Variants in PI4K2B observed in about 807,000 individuals in gnomAD.
The protein encoded by PI4K2B is phosphatidylinositol 4-kinase type 2-beta.
A neutral mutation model predicts 56.6 loss-of-function variants in PI4K2B; 46 were observed. That is an observed-to-expected ratio of 0.81 (90% confidence interval 0.64 to 1.04). The LOEUF (loss-of-function observed/expected upper bound fraction) is 1.04. Among genes scored for constraint, PI4K2B ranks in the 50% least tolerant of loss-of-function variants. PI4K2B has a pLI of 0.00. For missense variants in PI4K2B, 556 were observed against 607.7 expected (o/e 0.91, Z 0.89); for synonymous variants, 211 against 223.8 (o/e 0.94, Z 0.51).
At position 25,252,861 on chromosome 4, in the gene PI4K2B, G is replaced by A. The variant is rs188301518; in HGVS notation, c.423+386G>A. Among the ~76,000 whole-genome samples, 28 of 152,194 alleles carry A rather than the reference G, an allele frequency of 1.8e-4. 1 individual carries two copies. The highest frequency in any genetic ancestry group is 1.6e-3 in the Admixed American group (24 of 15,266). ...AACTCCTGGGCTCAAGCAAACCTCG[G>A]CTTTGGCTCCCAAAGTGTTGAGATT... On this transcript the variant is annotated intron_variant, in intron 2 of 9. Coordinates refer to ENST00000264864, the MANE Select transcript of PI4K2B (RefSeq NM_018323.4).
chr4:25,242,810 G>T (rs552170974), intron 1 of PI4K2B, among the ~76,000 whole-genome samples: 1 of 152,134 alleles, frequency 6.6e-6, no homozygotes, highest in South Asian at 2.1e-4. Context: ...TTTGCCCTTC[G>T]AAAGTGTCCT....
rs1168729262 is a variant in PI4K2B, at chr4:25,255,261, C to T, written c.620C>T (p.Thr207Ile). The part of the protein sequence containing the change: ...NKLHLSIVPK[T>I]KVVWLVSETF... ...CTTCATCTGAGCATTGTACCTAAAA[C>T]AAAGGTAAGCCAGACTTTATTTTTA... Residue 207 changes from threonine to isoleucine, a missense_variant, in exon 3 of 10, where the codon ACA becomes ATA. Thr to Ile is a moderately conservative substitution (Grantham distance 89). Transcript: ENST00000264864. 6.2e-7 allele frequency: 1 copy of T among 1,612,180 alleles called. No homozygotes were observed. The highest frequency in any genetic ancestry group is 1.3e-5 in the African/African-American group (1 of 74,868).
At chr4:25,243,295 C>T (rs1715610074) in intron 1 of PI4K2B, among the ~76,000 whole-genome samples, 1 of 152,198 alleles carries the variant, frequency 6.6e-6, no homozygotes, top group African/African-American at 2.4e-5. Flanking sequence ...GTGCACCTTC[C>T]AGTGATTGCT....
intron 9 of PI4K2B, 54 bp downstream of exon 9, chr4:25,269,257 T>A: frequency 8.5e-6 from 8 of 939,764 alleles, no homozygotes; most frequent in Non-Finnish European, 1.4e-5. Flanking sequence ...GAAACAGTAG[T>A]CAACTGTTTT....
At position 25,262,992 on chromosome 4, in the gene PI4K2B, C is replaced by T. The variant is rs542336523; in HGVS notation, c.979-758C>T. Among the ~76,000 whole-genome samples, 4 of 152,248 alleles carry T rather than the reference C, an allele frequency of 2.6e-5. No individual in the cohort carries two copies. In the South Asian group the frequency reaches 8.3e-4, roughly 32 times the overall value. ...GCATGGCTGGGGAGGCCTCAGGAAA[C>T]TTACAATCATGGCAGAAGGCACCTC... On this transcript the variant is annotated intron_variant, in intron 6 of 9. Coordinates refer to ENST00000264864, the MANE Select transcript of PI4K2B (RefSeq NM_018323.4).
intron 7 of PI4K2B, among the ~76,000 whole-genome samples, chr4:25,264,619 C>T (rs1716598703): frequency 6.6e-6 from 1 of 152,176 alleles, no homozygotes; most frequent in Non-Finnish European, 1.5e-5. Context: ...CACCTGTAAT[C>T]CCAGCACTTT....
intron 7 of PI4K2B, among the ~76,000 whole-genome samples, 176 bp downstream of exon 7, chr4:25,264,025 T>G (rs1367716364): frequency 6.6e-6 from 1 of 152,210 alleles, no homozygotes; most frequent in Admixed American, 6.5e-5. Flanking sequence ...TGCTATGAAT[T>G]TTTTGCTTAT....
Position 25,268,443 on chromosome 4 carries a change from A to C in PI4K2B, c.1079A>C (p.Tyr360Ser). The change falls in exon 8 of 10, where the codon TAT becomes TCT. Residue 360 changes from tyrosine to serine, a missense_variant and splice_region_variant. Physicochemically the swap from Tyr to Ser is moderately radical, Grantham distance 144. Transcript: ENST00000264864. ...TTAGGAGAATGCTTTTTTCTATTAG[A>C]TCCATTTCACTGGGCTTGGCTTCCT... is the stretch of plus-strand genomic sequence containing the variant. ...PFKHPDEWRA[Y>S]PFHWAWLPQA... The C allele has an allele frequency of 6.2e-7, 1 of 1,601,706 alleles. No homozygotes were observed. Among genetic ancestry groups the C allele is most frequent in the Non-Finnish European group, 8.5e-7 (1 of 1,175,138 alleles).
chr4:25,247,903 A>G (rs563467449), intron 1 of PI4K2B, among the ~76,000 whole-genome samples: 28 of 152,104 alleles, frequency 1.8e-4, no homozygotes, highest in African/African-American at 5.8e-4. Context: ...GGGTCTCACT[A>G]TGTTGCCCAG....
In PI4K2B at chr4:25,252,424, A is replaced by G; in HGVS notation, c.372A>G (p.Glu124=). ...EQAIEVGIFP[E]RISQGSSGSY... ...CAATAGAAGTTGGAATTTTTCCAGAAAGAATCTCTCAAGGTTCAAGTGGAA... is the reference window on the plus strand; with the variant it reads ...CAATAGAAGTTGGAATTTTTCCAGAGAGAATCTCTCAAGGTTCAAGTGGAA... Residue 124 remains glutamate, a synonymous_variant, in exon 2 of 10, where the codon GAA becomes GAG. Coordinates refer to ENST00000264864, the MANE Select transcript of PI4K2B (RefSeq NM_018323.4). 2 of 1,612,498 alleles carry G rather than the reference A, an allele frequency of 1.2e-6. No individual in the cohort carries two copies. Among genetic ancestry groups the G allele is most frequent in the Non-Finnish European group, 1.7e-6 (2 of 1,178,562 alleles).
intron 4 of PI4K2B, among the ~76,000 whole-genome samples, chr4:25,257,013 G>A (rs1237770395): frequency 6.7e-6 from 1 of 148,262 alleles, no homozygotes; most frequent in African/African-American, 2.5e-5. Context: ...GCTGGGATTA[G>A]GTCTGATTCC....
chr4:25,241,430 T>C (rs964576997), intron 1 of PI4K2B, among the ~76,000 whole-genome samples: 1 of 152,226 alleles, frequency 6.6e-6, no homozygotes, highest in South Asian at 2.1e-4. Flanking sequence ...GTGGCATAAA[T>C]CTGGACTATA....
At chr4:25,244,247 C>T (rs372254902) in intron 1 of PI4K2B, among the ~76,000 whole-genome samples, 11 of 151,988 alleles carry the variant, frequency 7.2e-5, no homozygotes, top group African/African-American at 2.7e-4. Flanking sequence ...GGTTTGTGGT[C>T]CTTTGGAGAT....
intron 1 of PI4K2B, among the ~76,000 whole-genome samples, chr4:25,236,198 C>A (rs1455054657): frequency 2.1e-5 from 3 of 143,128 alleles, no homozygotes; most frequent in African/African-American, 8.0e-5. Flanking sequence ...GAGCAAGACT[C>A]TGTCTCAAAA....
intron 1 of PI4K2B, among the ~76,000 whole-genome samples, chr4:25,238,825 G>A (rs1229067728): frequency 6.6e-6 from 1 of 152,182 alleles, no homozygotes; most frequent in African/African-American, 2.4e-5. Flanking sequence ...TCCACAGTGT[G>A]GAAGGGGACC....
chr4:25,234,570 A>G (rs1369844744), intron 1 of PI4K2B, 139 bp downstream of exon 1: 2 of 577,180 alleles, frequency 3.5e-6, no homozygotes, highest in African/African-American at 1.9e-5. Context: ...CCGAGCTCGG[A>G]CCGGCGCCAG....
At chr4:25,256,377 C>T (rs530530459) in intron 3 of PI4K2B, among the ~76,000 whole-genome samples, 166 bp from the exon 4 acceptor site, 2 of 152,206 alleles carry the variant, frequency 1.3e-5, no homozygotes, top group Non-Finnish European at 2.9e-5. Flanking sequence ...CTTCATTTAA[C>T]AAGGCTTTGC....
intron 9 of PI4K2B, among the ~76,000 whole-genome samples, chr4:25,270,398 T>G (rs545315255): frequency 1.3e-5 from 2 of 151,866 alleles, no homozygotes; most frequent in African/African-American, 4.8e-5. Flanking sequence ...CAGGCTGGAG[T>G]GCAATGGTGC....
intron 1 of PI4K2B, among the ~76,000 whole-genome samples, chr4:25,238,391 A>G (rs1187526129): frequency 6.6e-6 from 1 of 152,218 alleles, no homozygotes; most frequent in Non-Finnish European, 1.5e-5. Context: ...TAACTTCCCT[A>G]AAGTCCATTT....
Sources: gnomAD v4.1 joint callset for allele counts (sites outside exome capture counted in the v4.1 genomes callset) on GRCh38, gnomAD v4.1.1 for gene constraint, MANE v1.5 for transcripts, NCBI Gene and HGNC (gene_info 2026-07-23, HGNC 2026-07-21) for gene names.